The following ARHGEF11 variants were observed in gnomAD, a reference collection of about 807,000 sequenced individuals.
ARHGEF11 encodes Rho guanine exchange factor (GEF) 11.
Under a neutral mutation model 193.7 loss-of-function variants are expected in ARHGEF11, and 55 were observed. The ratio of observed to expected loss-of-function variants is 0.28; its 90% confidence interval spans 0.23 to 0.36. ARHGEF11 has a LOEUF of 0.36. Ranked by LOEUF, ARHGEF11 falls within the 10% of genes least tolerant of loss-of-function variation. The pLI, the probability that ARHGEF11 is intolerant of heterozygous loss-of-function variation, is 1.00. For missense variants in ARHGEF11, 1,723 were observed against 2,005.6 expected (o/e 0.86, Z 2.69); for synonymous variants, 693 against 768.0 (o/e 0.90, Z 1.62).
chr1:156,970,209 G>A (rs535437018), intron 8 of ARHGEF11, among the ~76,000 whole-genome samples, 166 bp from the exon 9 acceptor site: 2 of 152,250 alleles, frequency 1.3e-5, no homozygotes, highest in African/African-American at 4.8e-5. Flanking sequence ...TACAGTTTGA[G>A]GATGACAATG....
Position 156,971,826 on chromosome 1 carries a change from G to T in ARHGEF11, c.583-10C>A. 1 of 1,609,416 alleles carries T rather than the reference G, an allele frequency of 6.2e-7. No homozygotes were observed. Among genetic ancestry groups the T allele is most frequent in the Admixed American group, 1.7e-5 (1 of 59,944 alleles). Reference sequence around the variant, plus strand: ...AGACCTCACAGATACGCTAGGGATGGGTGAGGAGGAGAAGGGGGAGGGGAA... The same window carrying T: ...AGACCTCACAGATACGCTAGGGATGTGTGAGGAGGAGAAGGGGGAGGGGAA... On this transcript the variant is annotated splice_polypyrimidine_tract_variant and intron_variant, in intron 7 of 40. Coordinates refer to ENST00000368194, the MANE Select transcript of ARHGEF11 (RefSeq NM_198236.3).
intron 1 of ARHGEF11, among the ~76,000 whole-genome samples, chr1:157,036,196 A>AATATATAT (rs370355162): frequency 7.6e-6 from 1 of 132,300 alleles, no homozygotes; most frequent in Admixed American, 7.7e-5. Context: ...TACATATATG[A>AATATATAT]ATATATATAC....
At chr1:156,940,585 A>G (rs1316488407) in intron 35 of ARHGEF11, among the ~76,000 whole-genome samples, 160 bp from the exon 36 acceptor site, 2 of 152,244 alleles carry the variant, frequency 1.3e-5, no homozygotes, top group African/African-American at 2.4e-5. Flanking sequence ...GGCTCTTGGC[A>G]TACAACAGTA....
intron 3 of ARHGEF11, among the ~76,000 whole-genome samples, chr1:156,982,141 C>A (rs1664271344): frequency 6.6e-6 from 1 of 151,822 alleles, no homozygotes; most frequent in African/African-American, 2.4e-5. Context: ...GACAACAGAA[C>A]TATCTTGCCT....
intron 1 of ARHGEF11, among the ~76,000 whole-genome samples, chr1:156,996,772 C>CA (rs66730438): frequency 0.012 from 446 of 38,326 alleles, 13 homozygotes; most frequent in East Asian, 0.024. Context: ...GACTCTGTCT[C>CA]AAAAAAAAAA....
intron 1 of ARHGEF11, among the ~76,000 whole-genome samples, chr1:157,007,254 T>C (rs748233598): frequency 6.6e-6 from 1 of 151,782 alleles, no homozygotes; most frequent in East Asian, 1.9e-4. Context: ...AGCAAGAGAA[T>C]GAGAGAATAA....
chr1:156,960,631 G>T (rs1194579011), intron 14 of ARHGEF11, among the ~76,000 whole-genome samples, 171 bp from the exon 15 acceptor site: 1 of 152,166 alleles, frequency 6.6e-6, no homozygotes, highest in Non-Finnish European at 1.5e-5. Context: ...CTAGGCTAGG[G>T]TTTTTGGGAA....
intron 1 of ARHGEF11, among the ~76,000 whole-genome samples, chr1:156,990,120 C>T (rs142552058): frequency 2.0e-5 from 3 of 152,208 alleles, no homozygotes; most frequent in Admixed American, 1.3e-4. Flanking sequence ...ATTATACTTA[C>T]GTCCTGTCTC....
intron 1 of ARHGEF11, among the ~76,000 whole-genome samples, chr1:157,022,768 C>G (rs1393407660): frequency 6.6e-6 from 1 of 151,850 alleles, no homozygotes; most frequent in Non-Finnish European, 1.5e-5. Flanking sequence ...GATTTCAAAA[C>G]CTATTACCAA....
intron 1 of ARHGEF11, among the ~76,000 whole-genome samples, chr1:157,010,273 G>T (rs1327702168): frequency 6.6e-6 from 1 of 152,074 alleles, no homozygotes; most frequent in Non-Finnish European, 1.5e-5. Flanking sequence ...GCAAGAAAAA[G>T]AAATAAAAGG....
Position 156,942,009 on chromosome 1 carries a change from G to A in ARHGEF11, c.3327-20C>T, listed in dbSNP as rs761670121. On this transcript the variant is annotated intron_variant, in intron 33 of 40. Transcript: ENST00000368194. ...ATCCATCTGTTGCTCGGCAGGAACAGAGAGGACTGTAGTGAGAGCAAGATA... is the reference window on the plus strand; with the variant it reads ...ATCCATCTGTTGCTCGGCAGGAACAAAGAGGACTGTAGTGAGAGCAAGATA... 1 of 1,614,042 alleles carries A rather than the reference G, an allele frequency of 6.2e-7. No homozygotes were observed. The highest frequency in any genetic ancestry group is 1.3e-5 in the African/African-American group (1 of 75,028).
In ARHGEF11 at chr1:156,946,775, C is replaced by G; in HGVS notation, c.2581G>C (p.Ala861Pro). ...DLMLARFDGP[A>P]REELQQVAAQ... is the part of the protein sequence containing the mutation. ...GCCACTTGCTGGAGTTCCTCTCGGG[C>G]AGGGCCATCAAACTGAAGAGGCAGA... is the stretch of plus-strand genomic sequence containing the variant. The change falls in exon 28 of 41, where the codon GCC becomes CCC. Residue 861 changes from alanine (A) to proline (P), a missense_variant. By Grantham distance (27) the Ala-to-Pro change is conservative. Coordinates refer to ENST00000368194, the MANE Select transcript of ARHGEF11 (RefSeq NM_198236.3). 1 of 1,614,180 alleles carries G rather than the reference C, an allele frequency of 6.2e-7. No individual in the cohort carries two copies. Among genetic ancestry groups the G allele is most frequent in the Non-Finnish European group, 8.5e-7 (1 of 1,180,034 alleles).
rs1663368367 is a variant in ARHGEF11, at chr1:156,977,068, A to G, written c.511-14T>C. On this transcript the variant is annotated splice_polypyrimidine_tract_variant and intron_variant, in intron 6 of 40. Transcript: ENST00000368194. ...AACTTCGGGATCCTAGACATGGAAA[A>G]TATGGCAATATAAGAGTTAGGGACT... 1.2e-6 allele frequency: 2 copies of G among 1,612,170 alleles called. No individual in the cohort carries two copies. Among genetic ancestry groups the G allele is most frequent in the East Asian group, 4.5e-5 (2 of 44,838 alleles).
intron 9 of ARHGEF11, 111 bp from the exon 10 acceptor site, chr1:156,969,469 C>T: frequency 1.0e-6 from 1 of 992,632 alleles, no homozygotes; most frequent in Non-Finnish European, 1.5e-6. Context: ...GCCACCTTTT[C>T]TTTCACCAGT....
At chr1:156,999,926 A>G (rs1667007518) in intron 1 of ARHGEF11, among the ~76,000 whole-genome samples, 1 of 152,240 alleles carries the variant, frequency 6.6e-6, no homozygotes, top group African/African-American at 2.4e-5. Flanking sequence ...CACTGTGATA[A>G]TTAAATTACT....
At position 156,947,775 on chromosome 1, in the gene ARHGEF11, T is replaced by C; in HGVS notation, c.2335A>G (p.Ile779Val). The C allele has an allele frequency of 6.2e-7, 1 of 1,613,110 alleles. No homozygotes were observed. Among genetic ancestry groups the C allele is most frequent in the Non-Finnish European group, 8.5e-7 (1 of 1,179,978 alleles). Reference sequence around the variant, plus strand: ...CAGTGGAGCACGTTCTCACCATTGATGACCTCTTGCCGGTCAATCTCCCGC... The same window carrying C: ...CAGTGGAGCACGTTCTCACCATTGACGACCTCTTGCCGGTCAATCTCCCGC... ...TQREIDRQEV[I>V]NELFVTEASH... The change falls in exon 25 of 41, where the codon ATC becomes GTC. Residue 779 changes from isoleucine (I) to valine (V), a missense_variant. Transcript: ENST00000368194.
chr1:156,970,125 T>G, intron 8 of ARHGEF11, 82 bp from the exon 9 acceptor site: 1 of 1,226,828 alleles, frequency 8.2e-7, no homozygotes, highest in Middle Eastern at 1.9e-4. Flanking sequence ...AGTGCCTTAT[T>G]TGCTTACAAT....
intron 1 of ARHGEF11, among the ~76,000 whole-genome samples, chr1:157,027,598 G>A (rs1670806700): frequency 6.6e-6 from 1 of 151,888 alleles, no homozygotes; most frequent in Non-Finnish European, 1.5e-5. Context: ...GGAGAGGAGG[G>A]ACAAAAATTA....
intron 7 of ARHGEF11, among the ~76,000 whole-genome samples, chr1:156,972,574 T>G (rs935024789): frequency 1.3e-5 from 2 of 152,228 alleles, no homozygotes; most frequent in South Asian, 4.1e-4. Flanking sequence ...CCATAAAGCT[T>G]GTTGGTAAAT....
Sources: gnomAD v4.1 joint callset for allele counts (sites outside exome capture counted in the v4.1 genomes callset) on GRCh38, gnomAD v4.1.1 for gene constraint, MANE v1.5 for transcripts, NCBI Gene and HGNC (gene_info 2026-07-23, HGNC 2026-07-21) for gene names.